PITPNC1: variants seen among roughly 807,000 people sequenced by gnomAD.
PITPNC1 encodes phosphatidylinositol transfer protein cytoplasmic 1.
PITPNC1 carries 18 observed loss-of-function variants against 44.7 expected under a neutral mutation model. The observed-to-expected ratio is 0.40, with a 90% CI of 0.28 to 0.60. The LOEUF is 0.60. Ranked by LOEUF, PITPNC1 falls within the 20% of genes least tolerant of loss-of-function variation. The pLI is 0.39. For missense variants in PITPNC1, 290 were observed against 418.4 expected, an observed-to-expected ratio of 0.69 and a Z score of 2.68; for synonymous variants, 141 against 149.6, an observed-to-expected ratio of 0.94 and a Z score of 0.42.
intron 1 of PITPNC1, among the ~76,000 whole-genome samples, chr17:67,511,501 ACTGGCTAG>A (rs1568020540): frequency 6.6e-6 from 1 of 151,936 alleles, no homozygotes; most frequent in African/African-American, 2.4e-5. Flanking sequence ...CCTCGTCAAT[ACTGGCTAG>A]CTGTTCTTTT....
intron 1 of PITPNC1, among the ~76,000 whole-genome samples, chr17:67,487,742 G>A (rs1286333484): frequency 6.6e-6 from 1 of 152,278 alleles, no homozygotes; most frequent in Non-Finnish European, 1.5e-5. Flanking sequence ...AAGTGTAAGC[G>A]CTGTTCTGGG....
chr17:67,610,696 G>A (rs2041676259), intron 5 of PITPNC1, among the ~76,000 whole-genome samples: 1 of 152,070 alleles, frequency 6.6e-6, no homozygotes, highest in East Asian at 1.9e-4. Flanking sequence ...GCCGAGGTGG[G>A]CAGATCACAA....
intron 1 of PITPNC1, among the ~76,000 whole-genome samples, chr17:67,412,885 T>G (rs1374415988): frequency 6.6e-6 from 1 of 152,192 alleles, no homozygotes; most frequent in Non-Finnish European, 1.5e-5. Context: ...CTCTTTATAC[T>G]TAACTTCCTT....
chr17:67,383,184 A>G (rs1272824809), intron 1 of PITPNC1, among the ~76,000 whole-genome samples: 1 of 151,708 alleles, frequency 6.6e-6, no homozygotes, highest in Non-Finnish European at 1.5e-5. Flanking sequence ...TTTAGTAGAG[A>G]TGGGGTTTCA....
Position 67,675,550 on chromosome 17 carries a change from A to G in PITPNC1, c.682+8A>G. The G allele has an allele frequency of 6.4e-7, 1 of 1,574,190 alleles. No homozygotes were observed. Among genetic ancestry groups the G allele is most frequent in the Non-Finnish European group, 8.7e-7 (1 of 1,143,784 alleles). On this transcript the variant is annotated splice_region_variant and intron_variant, in intron 8 of 8. Transcript: ENST00000581322. Reference sequence around the variant, plus strand: ...GGGTTGATGAGTGGTATGGTAAGTCAATTTCTCCAAAATAACTTGTAGAAC... The same window carrying G: ...GGGTTGATGAGTGGTATGGTAAGTCGATTTCTCCAAAATAACTTGTAGAAC...
chr17:67,536,898 G>GA (rs1276368711), intron 2 of PITPNC1, among the ~76,000 whole-genome samples: 1 of 152,144 alleles, frequency 6.6e-6, no homozygotes, highest in Non-Finnish European at 1.5e-5. Context: ...TTGTGTGTAA[G>GA]AAAGTGGGGA....
At chr17:67,545,683 C>G (rs1308500393) in intron 2 of PITPNC1, among the ~76,000 whole-genome samples, 1 of 152,010 alleles carries the variant, frequency 6.6e-6, no homozygotes, top group Non-Finnish European at 1.5e-5. Context: ...AAAGATGGCT[C>G]CTTATCTAGT....
In PITPNC1 at chr17:67,696,653, G is replaced by A. The variant is rs2043014910; in HGVS notation, c.*3765G>A. The A allele has an allele frequency of 1.3e-5, 2 of 152,226 alleles. No homozygotes were observed. Among genetic ancestry groups the A allele is most frequent in the Admixed American group, 6.5e-5 (1 of 15,286 alleles). The allele number at this position is 152,226 out of a possible 1,614,324, so 9.4% of individuals were successfully genotyped here. A position where few individuals can be genotyped will look rare whatever the true frequency, so the allele number is the denominator to read the frequency against. On this transcript the variant is annotated 3_prime_UTR_variant, in exon 9 of 9. Coordinates refer to ENST00000581322, the MANE Select transcript of PITPNC1 (RefSeq NM_012417.4). The stretch of plus-strand genomic sequence containing the variant: ...ACTATTCATTCTTGCTGAAACTGAA[G>A]TGTACACAATAGCACACTGTTGGCA...
chr17:67,634,626 G>A (rs151250573), intron 6 of PITPNC1, among the ~76,000 whole-genome samples: 18 of 152,246 alleles, frequency 1.2e-4, no homozygotes, highest in East Asian at 3.9e-4. Context: ...AGTATTTGGC[G>A]AACAGTAGAG....
chr17:67,624,674 A>G (rs114942993), intron 5 of PITPNC1, among the ~76,000 whole-genome samples: 1 of 152,058 alleles, frequency 6.6e-6, no homozygotes, highest in Non-Finnish European at 1.5e-5. Flanking sequence ...GGCACCCGCC[A>G]ATATGCCCAG....
intron 1 of PITPNC1, among the ~76,000 whole-genome samples, chr17:67,405,889 G>A (rs2038390481): frequency 6.6e-6 from 1 of 152,078 alleles, no homozygotes; most frequent in Non-Finnish European, 1.5e-5. Flanking sequence ...TTACAAGTGT[G>A]AGCCACCATG....
At chr17:67,523,931 C>T (rs2040362793) in intron 1 of PITPNC1, among the ~76,000 whole-genome samples, 1 of 151,560 alleles carries the variant, frequency 6.6e-6, no homozygotes. Context: ...CCTGCCTCAG[C>T]CTCCTGAGTA....
intron 6 of PITPNC1, among the ~76,000 whole-genome samples, chr17:67,633,801 C>A (rs749514404): frequency 4.6e-5 from 7 of 152,252 alleles, no homozygotes; most frequent in Non-Finnish European, 8.8e-5. Flanking sequence ...CTCGGGCCCC[C>A]CCGGGCTGCT....
chr17:67,511,659 C>T (rs2949933), intron 1 of PITPNC1, among the ~76,000 whole-genome samples: 3,911 of 152,214 alleles, frequency 0.026, 62 homozygotes, highest in South Asian at 0.039. Context: ...CAGGCACTCA[C>T]CACCACGCCC....
In PITPNC1 at chr17:67,695,143, C is replaced by G. The variant is rs568847379; in HGVS notation, c.*2255C>G. 2.6e-5 allele frequency: 4 copies of G among 151,976 alleles called. No homozygotes were observed. The highest frequency in any genetic ancestry group is 4.4e-5 in the Non-Finnish European group (3 of 68,024). The allele number at this position is 151,976 out of a possible 1,614,324, so 9.4% of individuals were successfully genotyped here. ...ATAACCAGTATGTTACCACAGACATCAGTTGCAAAGCTACGATGATAGTGT... is the reference window on the plus strand; with the variant it reads ...ATAACCAGTATGTTACCACAGACATGAGTTGCAAAGCTACGATGATAGTGT... On this transcript the variant is annotated 3_prime_UTR_variant, in exon 9 of 9. Transcript: ENST00000581322.
At chr17:67,547,970 G>T (rs2040707443) in intron 2 of PITPNC1, among the ~76,000 whole-genome samples, 1 of 152,168 alleles carries the variant, frequency 6.6e-6, no homozygotes, top group South Asian at 2.1e-4. Flanking sequence ...GTGGGGGGCG[G>T]CTATCCTGTG....
At chr17:67,591,498 A>G (rs1000789905) in intron 5 of PITPNC1, among the ~76,000 whole-genome samples, 1 of 152,182 alleles carries the variant, frequency 6.6e-6, no homozygotes, top group African/African-American at 2.4e-5. Flanking sequence ...TTCTTAGGAA[A>G]TTCACCCTGA....
intron 1 of PITPNC1, among the ~76,000 whole-genome samples, chr17:67,432,900 A>T (rs1200660615): frequency 2.6e-5 from 4 of 152,198 alleles, no homozygotes; most frequent in Non-Finnish European, 5.9e-5. Context: ...CACAGGTGTG[A>T]CTAAAACAAA....
At chr17:67,462,629 C>T (rs1231351233) in intron 1 of PITPNC1, among the ~76,000 whole-genome samples, 1 of 151,844 alleles carries the variant, frequency 6.6e-6, no homozygotes, top group Non-Finnish European at 1.5e-5. Context: ...TGCTAGAAAA[C>T]AGATTGCTTT....
Sources: gnomAD v4.1 joint callset for allele counts (sites outside exome capture counted in the v4.1 genomes callset) on GRCh38, gnomAD v4.1.1 for gene constraint, MANE v1.5 for transcripts, NCBI Gene and HGNC (gene_info 2026-07-23, HGNC 2026-07-21) for gene names.